CBX1: variants seen among roughly 807,000 people sequenced by gnomAD.
CBX1 encodes chromobox protein homolog 1.
Under a neutral mutation model 25.1 loss-of-function variants are expected in CBX1, and 10 were observed. The ratio of observed to expected loss-of-function variants is 0.40; its 90% CI spans 0.25 to 0.68. CBX1 has a LOEUF of 0.68. Ranked by LOEUF, CBX1 falls within the 30% of genes least tolerant of loss-of-function variation. The pLI, the probability that CBX1 is intolerant of heterozygous loss-of-function variation, is 0.40. For synonymous variants in CBX1, 63 were observed against 79.4 expected (o/e 0.79, Z 1.10); for missense variants, 106 against 218.5 (o/e 0.49, Z 3.25).
intron 1 of CBX1, chr17:48,096,344 A>G: frequency 1.0e-6 from 1 of 985,290 alleles, no homozygotes; most frequent in Non-Finnish European, 1.2e-6. Flanking sequence ...TTTTGGGTTG[A>G]GAGGCCACAA....
chr17:48,078,895 T>A (rs1598305894), intron 1 of CBX1, among the ~76,000 whole-genome samples: 2 of 147,144 alleles, frequency 1.4e-5, no homozygotes, highest in Non-Finnish European at 3.0e-5. Flanking sequence ...GTTCAAGTGA[T>A]TCTCCTGTCT....
chr17:48,096,347 G>A, intron 1 of CBX1: 29 of 985,304 alleles, frequency 2.9e-5, no homozygotes, highest in Non-Finnish European at 3.5e-5. Context: ...TGGGTTGAGA[G>A]GCCACAAGAG....
In CBX1 at chr17:48,076,930, T is replaced by A; in HGVS notation, c.75A>T (p.Lys25Asn). The A allele has an allele frequency of 6.2e-7, 1 of 1,613,610 alleles. No homozygotes were observed. The highest frequency in any genetic ancestry group is 8.5e-7 in the Non-Finnish European group (1 of 1,179,754). Residue 25 changes from lysine (K) to asparagine (N), a missense_variant, in exon 2 of 5, where the codon AAA (lysine) becomes AAT (asparagine). By Grantham distance (94) the Lys-to-Asn change is moderately conservative. Coordinates refer to ENST00000225603, the MANE Select transcript of CBX1 (RefSeq NM_001127228.2). Reference protein sequence around the residue: ...EEEEEEYVVEKVLDRRVVKGK... With the variant: ...EEEEEEYVVENVLDRRVVKGK... ...CCTTTACCACTCGACGGTCGAGAAC[T>A]TTTTCCACCACATATTCCTCTTCCT...
intron 1 of CBX1, among the ~76,000 whole-genome samples, chr17:48,077,765 G>A (rs773906209): frequency 7.2e-5 from 11 of 152,086 alleles, no homozygotes; most frequent in Non-Finnish European, 1.5e-4. Context: ...GAGAATTCCT[G>A]AAGCCCAGTA....
chr17:48,079,435 CT>C (rs1233879804), intron 1 of CBX1, among the ~76,000 whole-genome samples: 2 of 152,204 alleles, frequency 1.3e-5, no homozygotes, highest in African/African-American at 4.8e-5. Flanking sequence ...GCAGTCTTTT[CT>C]GAATTGAACT....
chr17:48,101,449 G>A lies in CBX1; in HGVS notation c.-219C>T. The A allele has an allele frequency of 1.0e-6, 1 of 985,702 alleles. No individual in the cohort carries two copies. Among genetic ancestry groups the A allele is most frequent in the Non-Finnish European group, 1.2e-6 (1 of 830,138 alleles). The allele number at this position is 985,702 out of a possible 1,614,324, so 61.1% of individuals were successfully genotyped here. Reference sequence around the variant, plus strand: ...GCCCTCCCCTCAGCCGAACAAAAGAGCCTCGCAGTCTGCGCTGCCCGCCGC... The same window carrying A: ...GCCCTCCCCTCAGCCGAACAAAAGAACCTCGCAGTCTGCGCTGCCCGCCGC... On this transcript the variant is annotated 5_prime_UTR_variant, in exon 1 of 5. Coordinates refer to ENST00000225603, the MANE Select transcript of CBX1 (RefSeq NM_001127228.2).
intron 1 of CBX1, among the ~76,000 whole-genome samples, chr17:48,099,945 C>T (rs2063398392): frequency 6.6e-6 from 1 of 151,874 alleles, no homozygotes; most frequent in Non-Finnish European, 1.5e-5. Context: ...TCGAGACCAG[C>T]GTGACCAGTA....
intron 1 of CBX1, among the ~76,000 whole-genome samples, chr17:48,082,761 C>T (rs1207197183): frequency 2.0e-5 from 3 of 149,982 alleles, no homozygotes; most frequent in Admixed American, 2.0e-4. Context: ...TGGTCTCAAA[C>T]GCTTGACCTC....
intron 1 of CBX1, among the ~76,000 whole-genome samples, chr17:48,080,208 T>C (rs2037717262): frequency 6.6e-6 from 1 of 152,062 alleles, no homozygotes; most frequent in Non-Finnish European, 1.5e-5. Context: ...AGTTGATTTT[T>C]GTATATTTAG....
chr17:48,077,445 G>GTTTTTTTTT (rs796350669), intron 1 of CBX1, among the ~76,000 whole-genome samples: 1 of 52,418 alleles, frequency 1.9e-5, no homozygotes, highest in African/African-American at 4.8e-5. Flanking sequence ...TTTTTTTTTT[G>GTTTTTTTTT]TTTTTTTTGT....
At chr17:48,083,773 G>A (rs988609355) in intron 1 of CBX1, among the ~76,000 whole-genome samples, 3 of 150,018 alleles carry the variant, frequency 2.0e-5, no homozygotes, top group Non-Finnish European at 4.4e-5. Context: ...ACAGTGAGCC[G>A]AGATTGCGCC....
At chr17:48,073,924 G>T (rs1312646969) in intron 4 of CBX1, among the ~76,000 whole-genome samples, 1 of 150,816 alleles carries the variant, frequency 6.6e-6, no homozygotes, top group Admixed American at 6.6e-5. Context: ...GTCACATGCA[G>T]AAAAAGTATA....
intron 1 of CBX1, among the ~76,000 whole-genome samples, chr17:48,078,152 CTCCTAT>C (rs2037695851): frequency 6.6e-6 from 1 of 150,626 alleles, no homozygotes; most frequent in African/African-American, 2.4e-5. Context: ...CTCATACTTT[CTCCTAT>C]TCCAAGTTTT....
intron 1 of CBX1, among the ~76,000 whole-genome samples, chr17:48,093,927 C>A (rs2063358211): frequency 6.6e-6 from 1 of 151,874 alleles, no homozygotes; most frequent in African/African-American, 2.4e-5. Context: ...CGAGACCAGC[C>A]TGACCAACAT....
At chr17:48,084,457 C>T (rs2037769031) in intron 1 of CBX1, among the ~76,000 whole-genome samples, 1 of 147,930 alleles carries the variant, frequency 6.8e-6, no homozygotes, top group Admixed American at 6.6e-5. Flanking sequence ...GATCCACCCG[C>T]CTCAGCCTCC....
At chr17:48,098,880 T>C (rs1049632440) in intron 1 of CBX1, among the ~76,000 whole-genome samples, 18 of 152,168 alleles carry the variant, frequency 1.2e-4, no homozygotes, top group African/African-American at 4.3e-4. Flanking sequence ...GATGCCAAAA[T>C]TTAATGAATT....
chr17:48,070,256 A>G lies in CBX1; in HGVS notation c.*1179T>C. The G allele has an allele frequency of 6.6e-6, 1 of 152,620 alleles. No individual in the cohort carries two copies. The highest frequency in any genetic ancestry group is 1.9e-4 in the East Asian group (1 of 5,200). The allele number at this position is 152,620 out of a possible 1,614,324, so 9.5% of individuals were successfully genotyped here. A position where few individuals can be genotyped will look rare whatever the true frequency, so the allele number is the denominator to read the frequency against. ...CATTTTGGGTATGTTACTTATTAGG[A>G]TTTCTTAAAAAATTGTTTTGTGTGT... On this transcript the variant is annotated 3_prime_UTR_variant, in exon 5 of 5. Coordinates refer to ENST00000225603, the MANE Select transcript of CBX1 (RefSeq NM_001127228.2).
rs2037612115 is a variant in CBX1 at position 48,070,192 on chromosome 17, A to G, written c.*1243T>C. 1 of 152,710 alleles carries G rather than the reference A, an allele frequency of 6.5e-6. No individual in the cohort carries two copies. The highest frequency in any genetic ancestry group is 1.5e-5 in the Non-Finnish European group (1 of 68,058). The allele number at this position is 152,710 out of a possible 1,614,324, so 9.5% of individuals were successfully genotyped here. A position where few individuals can be genotyped will look rare whatever the true frequency, so the allele number is the denominator to read the frequency against. ...CGTAGCTCTAGATGCAAGTCTAGAC[A>G]ATATCAAGAACTGATGGTTCTCATG... On this transcript the variant is annotated 3_prime_UTR_variant, in exon 5 of 5. Transcript: ENST00000225603.
intron 1 of CBX1, among the ~76,000 whole-genome samples, chr17:48,098,865 T>C (rs2144478370): frequency 6.6e-6 from 1 of 152,210 alleles, no homozygotes; most frequent in Middle Eastern, 3.4e-3. Flanking sequence ...GATAAACCAC[T>C]AGAGGATGCC....
Sources: allele counts gnomAD v4.1 joint callset (sites outside exome capture counted in the v4.1 genomes callset), GRCh38; gene constraint gnomAD v4.1.1; transcripts MANE v1.5; gene names NCBI Gene and HGNC (gene_info 2026-07-23, HGNC 2026-07-21).